Variants in CORIN observed in about 807,000 individuals in gnomAD.
CORIN encodes atrial natriuretic peptide-converting enzyme.
Under a neutral mutation model 125.3 loss-of-function variants are expected in CORIN, and 117 were observed. The ratio of observed to expected loss-of-function variants is 0.93; its 90% CI spans 0.80 to 1.09. The LOEUF (loss-of-function observed/expected upper bound fraction) is 1.09, where lower values mean the gene tolerates loss of function less well. CORIN is among the 50% of genes least tolerant of loss of function. The pLI, the probability that CORIN is intolerant of heterozygous loss-of-function variation, is 0.00. For missense variants in CORIN, 1,253 were observed against 1,306.7 expected (o/e 0.96, Z 0.63); for synonymous variants, 450 against 466.4 (o/e 0.96, Z 0.45).
intron 16 of CORIN, chr4:47,632,315 T>C (rs1203572651): frequency 1.3e-5 from 2 of 152,210 alleles, no homozygotes; most frequent in Non-Finnish European, 1.5e-5. Flanking sequence ...CATCTTGACA[T>C]ATAAATGCCT....
intron 1 of CORIN, 53 bp downstream of exon 1, chr4:47,837,834 A>T: frequency 6.7e-7 from 1 of 1,487,564 alleles, no homozygotes; most frequent in Non-Finnish European, 9.4e-7. Flanking sequence ...ATTCACCGGG[A>T]CTAAGAGGCC....
chr4:47,656,063 G>A (rs560223577), intron 12 of CORIN, among the ~76,000 whole-genome samples: 3 of 150,708 alleles, frequency 2.0e-5, no homozygotes, highest in South Asian at 4.2e-4. Flanking sequence ...CAATTTCCTT[G>A]ATGAACATTG....
At chr4:47,674,276 A>T in intron 10 of CORIN, 117 bp downstream of exon 10, 1 of 731,698 alleles carries the variant, frequency 1.4e-6, no homozygotes, top group Admixed American at 2.4e-5. Context: ...AGAAAAAGAA[A>T]ATAGGTAGGC....
chr4:47,671,194 C>T (rs1478818595), intron 10 of CORIN, among the ~76,000 whole-genome samples: 3 of 152,270 alleles, frequency 2.0e-5, no homozygotes, highest in Admixed American at 6.5e-5. Context: ...ATATCTTTAG[C>T]GACCATTAGA....
At chr4:47,658,888 A>G (rs1363956051) in intron 12 of CORIN, among the ~76,000 whole-genome samples, 3 of 152,290 alleles carry the variant, frequency 2.0e-5, no homozygotes, top group African/African-American at 7.2e-5. Flanking sequence ...CCTTTTAACT[A>G]TAAGTTCCAA....
At chr4:47,630,419 G>A (rs4695261) in intron 16 of CORIN, among the ~76,000 whole-genome samples, 39,698 of 152,048 alleles carry the variant, frequency 0.26, 5,418 homozygotes, top group Admixed American at 0.36. Context: ...AAACCGTTTT[G>A]TATTATATGA....
intron 12 of CORIN, among the ~76,000 whole-genome samples, chr4:47,656,931 A>G (rs934752634): frequency 5.9e-5 from 9 of 152,254 alleles, no homozygotes; most frequent in African/African-American, 1.9e-4. Context: ...AAATTCAGTA[A>G]AGTTGCAAGA....
chr4:47,602,187 C>G (rs1721475098), intron 20 of CORIN, among the ~76,000 whole-genome samples: 1 of 152,166 alleles, frequency 6.6e-6, no homozygotes, highest in Non-Finnish European at 1.5e-5. Flanking sequence ...AGGAGAATCA[C>G]TTGAACCTGG....
chr4:47,797,158 A>G (rs1436162043), intron 2 of CORIN, among the ~76,000 whole-genome samples: 6 of 150,902 alleles, frequency 4.0e-5, no homozygotes, highest in African/African-American at 1.2e-4. Flanking sequence ...ATGTTTCTCA[A>G]CATATCAAAA....
rs1246622535 is a variant in CORIN, at chr4:47,797,854, C to G, written c.208+9049G>C. ...TCATGTAGAAAATAAAGCATCTTAC[C>G]TAAACTCCCATGTCTAGTAAATGGA... On this transcript the variant is annotated intron_variant, in intron 2 of 21. Transcript: ENST00000273857. 2.0e-5 allele frequency among the ~76,000 whole-genome samples: 3 copies of G among 152,146 alleles called. No homozygotes were observed. In the East Asian group the frequency reaches 5.8e-4, roughly 29 times the overall value.
intron 3 of CORIN, among the ~76,000 whole-genome samples, chr4:47,777,302 T>A (rs1730343058): frequency 6.6e-6 from 1 of 152,184 alleles, no homozygotes; most frequent in African/African-American, 2.4e-5. Context: ...CACAGCTTAA[T>A]ATAATTACAA....
chr4:47,598,768 A>G (rs540424458), intron 21 of CORIN, among the ~76,000 whole-genome samples: 16 of 152,326 alleles, frequency 1.1e-4, no homozygotes, highest in Middle Eastern at 3.4e-3. Flanking sequence ...AGACACTGCC[A>G]TATGGGTTGA....
chr4:47,697,996 T>C (rs1384741197), intron 5 of CORIN, among the ~76,000 whole-genome samples: 1 of 151,918 alleles, frequency 6.6e-6, no homozygotes, highest in African/African-American at 2.4e-5. Context: ...CTCATTTCTT[T>C]AACATTCTGT....
intron 13 of CORIN, among the ~76,000 whole-genome samples, chr4:47,646,431 ATAACT>A (rs1412813210): frequency 6.6e-6 from 1 of 152,238 alleles, no homozygotes; most frequent in African/African-American, 2.4e-5. Context: ...CATTAATGTA[ATAACT>A]TGAACTGTAA....
At chr4:47,725,767 T>A (rs1727564620) in intron 5 of CORIN, among the ~76,000 whole-genome samples, 1 of 152,018 alleles carries the variant, frequency 6.6e-6, no homozygotes, top group Non-Finnish European at 1.5e-5. Context: ...AATAAAATCA[T>A]TTGTTCTGTG....
chr4:47,601,723 A>C (rs777886153), intron 20 of CORIN, among the ~76,000 whole-genome samples: 2 of 152,164 alleles, frequency 1.3e-5, no homozygotes, highest in Non-Finnish European at 2.9e-5. Context: ...TTGAAAAAAA[A>C]CAGATGCATA....
chr4:47,669,104 C>G (rs2109682860), intron 10 of CORIN, among the ~76,000 whole-genome samples: 1 of 152,118 alleles, frequency 6.6e-6, no homozygotes, highest in South Asian at 2.1e-4. Context: ...TGATGTAGTA[C>G]CCAGTACAGT....
At chr4:47,673,175 C>T (rs1449143762) in intron 10 of CORIN, among the ~76,000 whole-genome samples, 1 of 133,842 alleles carries the variant, frequency 7.5e-6, no homozygotes, top group Non-Finnish European at 1.6e-5. Context: ...GCCATCTTTA[C>T]CAAAAAATAA....
intron 5 of CORIN, among the ~76,000 whole-genome samples, chr4:47,742,592 C>G (rs1728459494): frequency 6.6e-6 from 1 of 151,840 alleles, no homozygotes; most frequent in African/African-American, 2.4e-5. Context: ...TTTAAAATGC[C>G]TCATTGAAAA....
Sources: allele counts gnomAD v4.1 joint callset (sites outside exome capture counted in the v4.1 genomes callset), GRCh38; gene constraint gnomAD v4.1.1; transcripts MANE v1.5; gene names NCBI Gene and HGNC (gene_info 2026-07-23, HGNC 2026-07-21).